The following POLR3B variants were observed in gnomAD, a reference collection of about 807,000 sequenced individuals.
POLR3B encodes DNA-directed RNA polymerase III subunit RPC2.
Under a neutral mutation model 147.4 loss-of-function variants are expected in POLR3B, and 96 were observed. That is an observed-to-expected ratio of 0.65 (90% CI 0.55 to 0.77). POLR3B has a LOEUF of 0.77. Ranked by LOEUF, POLR3B falls within the 30% of genes least tolerant of loss-of-function variation. POLR3B has a pLI of 0.00. For missense variants in POLR3B, 1,036 were observed against 1,413.5 expected, an observed-to-expected ratio of 0.73 and a Z score of 4.28; for synonymous variants, 461 against 485.9, an observed-to-expected ratio of 0.95 and a Z score of 0.67.
intron 6 of POLR3B, among the ~76,000 whole-genome samples, chr12:106,372,183 C>T (rs1392087500): frequency 6.6e-6 from 1 of 152,048 alleles, no homozygotes; most frequent in Non-Finnish European, 1.5e-5. Context: ...GGTTAGAAAT[C>T]AAACAGTACA....
chr12:106,437,556 T>C (rs2037593689), intron 17 of POLR3B, 125 bp from the exon 18 acceptor site: 2 of 691,362 alleles, frequency 2.9e-6, no homozygotes, highest in Non-Finnish European at 5.3e-6. Context: ...TATCCCAATG[T>C]AATGATATTC....
In POLR3B at chr12:106,477,896, T is replaced by TCC. The variant is rs1565909305; in HGVS notation, c.2713+14276_2713+14277insCC. 6.2e-4 allele frequency among the ~76,000 whole-genome samples: 64 copies of TCC among 103,930 alleles called. 1 individual carries two copies. Among genetic ancestry groups the TCC allele is most frequent in the Non-Finnish European group, 8.1e-4 (40 of 49,116 alleles). 68.2% of individuals were successfully genotyped at this position (103,930 alleles called of 152,430 possible). A position where few individuals can be genotyped will look rare whatever the true frequency, so the allele number is the denominator to read the frequency against. On this transcript the variant is annotated intron_variant, in intron 23 of 27. Transcript: ENST00000228347. The stretch of plus-strand genomic sequence containing the variant: ...CGGCCATCTTGGCTCCTCCCCTTTT[T>TCC]TTTTTTTTTTTTTTTTTTTTTTTTT...
At chr12:106,459,138 C>G (rs925920917) in intron 21 of POLR3B, 113 bp from the exon 22 acceptor site, 4 of 736,870 alleles carry the variant, frequency 5.4e-6, no homozygotes. Flanking sequence ...GTCCTCCTAC[C>G]GCAGCCTCCT....
At chr12:106,478,646 T>G (rs564474491) in intron 23 of POLR3B, among the ~76,000 whole-genome samples, 24 of 152,212 alleles carry the variant, frequency 1.6e-4, no homozygotes, top group African/African-American at 5.1e-4. Context: ...AAACAAAAAG[T>G]AGGTAGTGTA....
rs563962544 is a variant in POLR3B, at chr12:106,427,782, T to C, written c.1263+424T>C. 1.1e-3 allele frequency among the ~76,000 whole-genome samples: 171 copies of C among 152,314 alleles called. 1 individual carries two copies. Among genetic ancestry groups the C allele is most frequent in the Admixed American group, 2.6e-3 (39 of 15,294 alleles). ...AAAGACCTATCAGCTGTTCCTCACATAAGCAATGAATTCAGTTCTGGATGA... is the reference window on the plus strand; with the variant it reads ...AAAGACCTATCAGCTGTTCCTCACACAAGCAATGAATTCAGTTCTGGATGA... On this transcript the variant is annotated intron_variant, in intron 13 of 27. Transcript: ENST00000228347.
At chr12:106,409,887 C>A (rs1042887729) in intron 11 of POLR3B, among the ~76,000 whole-genome samples, 22 of 152,110 alleles carry the variant, frequency 1.4e-4, no homozygotes, top group Admixed American at 1.0e-3. Flanking sequence ...GATGTAGGAT[C>A]TACTTCAGTT....
At chr12:106,489,171 T>G (rs2038378393) in intron 23 of POLR3B, among the ~76,000 whole-genome samples, 1 of 152,170 alleles carries the variant, frequency 6.6e-6, no homozygotes. Context: ...GCAAGAGTGT[T>G]TGTCCTGGCA....
intron 1 of POLR3B, among the ~76,000 whole-genome samples, chr12:106,361,336 GT>G (rs1301582582): frequency 3.3e-5 from 5 of 152,202 alleles, no homozygotes; most frequent in Non-Finnish European, 7.3e-5. Flanking sequence ...GAGTCAGAAA[GT>G]TAGGACTCCC....
chr12:106,440,422 G>A (rs950850231), intron 18 of POLR3B, among the ~76,000 whole-genome samples: 4 of 152,146 alleles, frequency 2.6e-5, no homozygotes, highest in African/African-American at 7.2e-5. Flanking sequence ...GGGGCTGTCG[G>A]TCTCCCTCAG....
chr12:106,402,410 C>T (rs1282956743), intron 10 of POLR3B, among the ~76,000 whole-genome samples: 1 of 152,100 alleles, frequency 6.6e-6, no homozygotes, highest in East Asian at 1.9e-4. Flanking sequence ...GATTCAATGC[C>T]ATCCCCATCA....
intron 21 of POLR3B, among the ~76,000 whole-genome samples, chr12:106,458,767 G>GTAGT (rs1351167285): frequency 3.3e-4 from 51 of 152,284 alleles, no homozygotes; most frequent in Non-Finnish European, 5.6e-4. Context: ...AGTACTACAG[G>GTAGT]TAGTTGGTCT....
intron 23 of POLR3B, among the ~76,000 whole-genome samples, chr12:106,467,293 T>C (rs1242263321): frequency 2.0e-5 from 3 of 152,278 alleles, no homozygotes; most frequent in East Asian, 3.9e-4. Flanking sequence ...GATTTTTGCA[T>C]ATTGATTTTG....
At chr12:106,470,843 G>A (rs2038080907) in intron 23 of POLR3B, among the ~76,000 whole-genome samples, 1 of 152,148 alleles carries the variant, frequency 6.6e-6, no homozygotes, top group African/African-American at 2.4e-5. Flanking sequence ...TCGTCCCAGA[G>A]GGGCACCTGC....
chr12:106,479,192 C>T (rs1344079626), intron 23 of POLR3B, among the ~76,000 whole-genome samples: 1 of 152,010 alleles, frequency 6.6e-6, no homozygotes, highest in East Asian at 1.9e-4. Context: ...TCATTTTCCC[C>T]ATACCCTTTC....
intron 1 of POLR3B, among the ~76,000 whole-genome samples, chr12:106,363,089 T>C (rs1317950447): frequency 6.6e-6 from 1 of 152,184 alleles, no homozygotes; most frequent in African/African-American, 2.4e-5. Flanking sequence ...TCCTCTCTGA[T>C]TGTTGGATTA....
chr12:106,497,000 T>A, intron 25 of POLR3B, 82 bp downstream of exon 25: 26 of 1,377,084 alleles, frequency 1.9e-5, no homozygotes, highest in Non-Finnish European at 2.6e-5. Context: ...GTATACTCTA[T>A]TAAGTATACC....
chr12:106,438,126 G>T (rs1308803644), intron 18 of POLR3B, among the ~76,000 whole-genome samples: 3 of 152,074 alleles, frequency 2.0e-5, no homozygotes, highest in African/African-American at 7.2e-5. Flanking sequence ...CCACCTGTGA[G>T]TGAGAACATG....
chr12:106,368,616 G>A (rs1422705138), intron 4 of POLR3B, among the ~76,000 whole-genome samples: 1 of 152,124 alleles, frequency 6.6e-6, no homozygotes, highest in Non-Finnish European at 1.5e-5. Context: ...AAATTTACTA[G>A]AGTGTAGGAT....
At chr12:106,444,885 G>T (rs1165324868) in intron 19 of POLR3B, among the ~76,000 whole-genome samples, 1 of 152,090 alleles carries the variant, frequency 6.6e-6, no homozygotes, top group Admixed American at 6.5e-5. Context: ...AAAGAGAAAA[G>T]CCCTATAAGA....
Sources: gnomAD v4.1 joint callset for allele counts (sites outside exome capture counted in the v4.1 genomes callset) on GRCh38, gnomAD v4.1.1 for gene constraint, MANE v1.5 for transcripts, NCBI Gene and HGNC (gene_info 2026-07-23, HGNC 2026-07-21) for gene names.